The following FES variants were observed in gnomAD, a reference collection of about 807,000 sequenced individuals.
FES encodes the protein FES proto-oncogene, tyrosine kinase, also known as tyrosine-protein kinase Fes/Fps.
Under a neutral mutation model 109.6 loss-of-function variants are expected in FES, and 83 were observed. That is an observed-to-expected ratio of 0.76 (90% CI 0.63 to 0.91). FES has a LOEUF of 0.91. FES is among the 40% of genes least tolerant of loss of function. FES has a pLI of 0.00. For synonymous variants in FES, 458 were observed against 442.1 expected, an observed-to-expected ratio of 1.04 and a Z score of -0.45; for missense variants, 943 against 1,070.9, an observed-to-expected ratio of 0.88 and a Z score of 1.67.
rs923835954 is a variant in FES, at chr15:90,895,617, G to A, written c.*59G>A. 5.1e-5 allele frequency: 73 copies of A among 1,432,652 alleles called. No homozygotes were observed. The highest frequency in any genetic ancestry group is 1.0e-4 in the South Asian group (7 of 68,482). 88.7% of individuals were successfully genotyped at this position (1,432,652 alleles called of 1,614,324 possible). A position where few individuals can be genotyped will look rare whatever the true frequency, so the allele number is the denominator to read the frequency against. ...GCAGGCCTAGGTGCAGCTCCTCAGC[G>A]GCTCCAGCTCATATGCTGACAGCTC... is the stretch of plus-strand genomic sequence containing the variant. On this transcript the variant is annotated 3_prime_UTR_variant, in exon 19 of 19. Transcript: ENST00000328850.
At chr15:90,885,939 C>G (rs143881167) in intron 3 of FES, among the ~76,000 whole-genome samples, 21 of 150,130 alleles carry the variant, frequency 1.4e-4, no homozygotes, top group Non-Finnish European at 3.0e-4. Context: ...TGTTTGCCTT[C>G]GACCTAGGCA....
chr15:90,894,782 A>C (rs981734880), intron 18 of FES, among the ~76,000 whole-genome samples: 10 of 151,796 alleles, frequency 6.6e-5, no homozygotes, highest in Non-Finnish European at 1.0e-4. Context: ...GAAAAAGAAA[A>C]AAACCTGGGC....
At chr15:90,890,636 CCT>C in intron 10 of FES, 152 bp downstream of exon 10, 1 of 695,048 alleles carries the variant, frequency 1.4e-6, no homozygotes. Context: ...AGACCCTGCC[CCT>C]GTGACCCCTC....
chr15:90,893,396 G>T lies in FES; in HGVS notation c.2027G>T (p.Ser676Ile). ...DAAAGMEYLE[S>I]KCCIHRDLAA... ...GCTGCTGGCATGGAGTACCTGGAGA[G>T]CAAGTGCTGCATCCACCGGTGAGTG... The change falls in exon 16 of 19, where the codon AGC (serine) becomes ATC (isoleucine). Residue 676 changes from serine to isoleucine, a missense_variant. Ser to Ile is a moderately radical substitution (Grantham distance 142, BLOSUM62 -2). Transcript: ENST00000328850. 6.4e-7 allele frequency: 1 copy of T among 1,554,390 alleles called. No individual in the cohort carries two copies. The highest frequency in any genetic ancestry group is 8.7e-7 in the Non-Finnish European group (1 of 1,152,602).
Position 90,890,149 on chromosome 15 carries a change from A to C in FES, c.1107A>C (p.Val369=). 1.3e-6 allele frequency: 2 copies of C among 1,593,370 alleles called. No homozygotes were observed. The highest frequency in any genetic ancestry group is 1.7e-6 in the Non-Finnish European group (2 of 1,175,516). The change falls in exon 9 of 19, where the codon GTA becomes GTC. Residue 369 remains valine (V), a synonymous_variant. Transcript: ENST00000328850. ...VLQEALQGLQ[V]ALCSQAKLQA... ...AAGAAGCACTGCAGGGGCTGCAGGTAGCGCTGTGCAGCCAGGCCAAGCTGC... is the reference window on the plus strand; with the variant it reads ...AAGAAGCACTGCAGGGGCTGCAGGTCGCGCTGTGCAGCCAGGCCAAGCTGC...
Position 90,893,294 on chromosome 15 carries a change from G to A in FES, c.1925G>A (p.Gly642Asp), listed in dbSNP as rs1459489744. Residue 642 changes from glycine (G) to aspartate (D), a missense_variant, in exon 16 of 19, where the codon GGC becomes GAC. Gly to Asp is a moderately conservative substitution (Grantham distance 94). Transcript: ENST00000328850. ...CAGGGGTCCTCCCCACCTGCAGGGG[G>A]CGACTTCCTGACCTTCCTCCGCACG... ...IYIVMELVQG[G>D]DFLTFLRTEG... The A allele has an allele frequency of 6.3e-7, 1 of 1,598,212 alleles. No homozygotes were observed. Among genetic ancestry groups the A allele is most frequent in the Non-Finnish European group, 8.5e-7 (1 of 1,171,932 alleles).
intron 8 of FES, 52 bp from the exon 9 acceptor site, chr15:90,890,040 C>A (rs981580803): frequency 1.3e-6 from 2 of 1,581,118 alleles, no homozygotes; most frequent in East Asian, 2.3e-5. Context: ...GGCTACCCGC[C>A]GCAGACCGAG....
Position 90,895,462 on chromosome 15 carries a change from G to A in FES, c.2373G>A (p.Arg791=). ...CPELCPDAVF[R]LMEQCWAYEP... is the part of the protein sequence containing the mutation. ...AGCTGTGTCCTGATGCCGTGTTCAG[G>A]CTCATGGAGCAGTGCTGGGCCTATG... Residue 791 remains arginine (R), a synonymous_variant, in exon 19 of 19, where the codon AGG becomes AGA. Transcript: ENST00000328850. The A allele has an allele frequency of 6.3e-7, 1 of 1,589,152 alleles. No individual in the cohort carries two copies. Among genetic ancestry groups the A allele is most frequent in the Admixed American group, 1.7e-5 (1 of 57,340 alleles).
intron 3 of FES, among the ~76,000 whole-genome samples, 180 bp from the exon 4 acceptor site, chr15:90,886,781 C>T (rs1305212511): frequency 6.6e-6 from 1 of 152,226 alleles, no homozygotes; most frequent in East Asian, 1.9e-4. Context: ...TTTGCCTCCC[C>T]AAGGGGTCTG....
chr15:90,885,724 G>T (rs2032540222), intron 3 of FES, 139 bp downstream of exon 3: 1 of 1,395,226 alleles, frequency 7.2e-7, no homozygotes. Context: ...TAACCTTGAT[G>T]CAGCTTCCTC....
At chr15:90,885,369 C>A in intron 2 of FES, 43 bp from the exon 3 acceptor site, 1 of 1,596,016 alleles carries the variant, frequency 6.3e-7, no homozygotes, top group South Asian at 1.1e-5. Context: ...TGCTTGGGAG[C>A]CATTGTGCCC....
rs905873147 is a variant in FES at position 90,885,159 on chromosome 15, C to T, written c.114C>T (p.Val38=). 2 of 1,613,826 alleles carry T rather than the reference C, an allele frequency of 1.2e-6. No homozygotes were observed. The highest frequency in any genetic ancestry group is 1.7e-6 in the Non-Finnish European group (2 of 1,180,048). Residue 38 remains valine, a synonymous_variant, in exon 2 of 19, where the codon GTC becomes GTT. Coordinates refer to ENST00000328850, the MANE Select transcript of FES (RefSeq NM_002005.4). ...EGMRKWMAQR[V]KSDREYAGLL... ...TGAGAAAGTGGATGGCCCAGCGGGT[C>T]AAGAGTGACAGGGAGTATGCAGGAC...
chr15:90,891,793 A>T, intron 12 of FES, 117 bp downstream of exon 12: 1 of 1,442,568 alleles, frequency 6.9e-7, no homozygotes, highest in Non-Finnish European at 9.4e-7. Context: ...TACATACAAG[A>T]TGCAGAGTGA....
Position 90,889,961 on chromosome 15 carries a change from C to T in FES, c.1048C>T (p.Arg350Trp), listed in dbSNP as rs771770891. The change falls in exon 8 of 19, where the codon CGG (arginine) becomes TGG (tryptophan). Residue 350 changes from arginine (R) to tryptophan (W), a missense_variant and splice_region_variant. Physicochemically the swap from Arg to Trp is moderately radical, Grantham distance 101. Transcript: ENST00000328850. The surrounding 1 kb of genome is among the most constrained non-coding windows in gnomAD (Gnocchi z 6.1). ...NEEENTHPRE[R>W]VQLLGKRQVL... Reference sequence around the variant, plus strand: ...AGAGGAGAACACCCACCCCCGGGAGCGGTGAGTGGGCCCCTGCCTGCAGCA... The same window carrying T: ...AGAGGAGAACACCCACCCCCGGGAGTGGTGAGTGGGCCCCTGCCTGCAGCA... 14 of 1,612,772 alleles carry T rather than the reference C, an allele frequency of 8.7e-6. No homozygotes were observed. Among genetic ancestry groups the T allele is most frequent in the African/African-American group, 4.0e-5 (3 of 74,868 alleles).
At position 90,892,696 on chromosome 15, in the gene FES, G is replaced by T; in HGVS notation, c.1708-11G>T. 6.3e-7 allele frequency: 1 copy of T among 1,597,124 alleles called. No homozygotes were observed. The highest frequency in any genetic ancestry group is 8.5e-7 in the Non-Finnish European group (1 of 1,171,228). On this transcript the variant is annotated splice_polypyrimidine_tract_variant and intron_variant, in intron 13 of 18. Coordinates refer to ENST00000328850, the MANE Select transcript of FES (RefSeq NM_002005.4). Reference sequence around the variant, plus strand: ...TGGGAAGGCCGTGGTAGGAGCCCAAGACCGTTTCAGGGGAACTTTGGCGAA... The same window carrying T: ...TGGGAAGGCCGTGGTAGGAGCCCAATACCGTTTCAGGGGAACTTTGGCGAA...
chr15:90,886,773 T>C (rs529341075), intron 3 of FES, among the ~76,000 whole-genome samples, 188 bp from the exon 4 acceptor site: 1 of 152,350 alleles, frequency 6.6e-6, no homozygotes, highest in African/African-American at 2.4e-5. Context: ...TCTACCTCTT[T>C]GCCTCCCCAA....
In FES at chr15:90,893,514, C is replaced by T. The variant is rs569115932; in HGVS notation, c.2045+100C>T. The T allele has an allele frequency of 7.0e-5, 105 of 1,493,572 alleles. No individual in the cohort carries two copies. In the African/African-American group the frequency reaches 1.3e-3, roughly 19 times the overall value. 92.5% of individuals were successfully genotyped at this position (1,493,572 alleles called of 1,614,324 possible). ...CCCGCTGGACCATCAGGCATCAGCT[C>T]CAGAGGGGGAGTTGGCCTCTGTGGT... On this transcript the variant is annotated intron_variant, in intron 16 of 18. Coordinates refer to ENST00000328850, the MANE Select transcript of FES (RefSeq NM_002005.4).
chr15:90,885,451 C>T lies in FES; in HGVS notation c.253C>T (p.Arg85Cys), dbSNP rs56041861. The T allele has an allele frequency of 1.4e-4, 222 of 1,613,202 alleles. No individual in the cohort carries two copies. The highest frequency in any genetic ancestry group is 1.6e-4 in the Middle Eastern group (1 of 6,080). The change falls in exon 3 of 19, where the codon CGC (arginine) becomes TGC (cysteine). Residue 85 changes from arginine (R) to cysteine (C), a missense_variant. Physicochemically the swap from Arg to Cys is radical, Grantham distance 180. Coordinates refer to ENST00000328850, the MANE Select transcript of FES (RefSeq NM_002005.4). ...EITSQTEGLS[R>C]LLRQHAEDLN... ...CACCAGCCAAACTGAGGGCCTGAGC[C>T]GCTTGCTGCGGCAGCACGCAGAGGA...
At chr15:90,888,137 G>C (rs186525075) in intron 5 of FES, among the ~76,000 whole-genome samples, 7 of 152,102 alleles carry the variant, frequency 4.6e-5, no homozygotes, top group African/African-American at 1.4e-4. Context: ...TCAGAGTCTC[G>C]CTCTGCCGCC....
Sources: gnomAD v4.1 joint callset for allele counts (sites outside exome capture counted in the v4.1 genomes callset) on GRCh38, gnomAD v4.1.1 for gene constraint, Gnocchi (gnomAD v3.1) non-coding constraint, MANE v1.5 for transcripts, NCBI Gene and HGNC (gene_info 2026-07-23, HGNC 2026-07-21) for gene names.